RESF1: variants seen among roughly 807,000 people sequenced by gnomAD.
RESF1 encodes retroelement silencing factor 1.
In RESF1, 65 loss-of-function variants were observed where a neutral mutation model predicts 134.7. That is an observed-to-expected ratio of 0.48 (90% CI 0.40 to 0.59). RESF1 has a LOEUF of 0.59. Ranked by LOEUF, RESF1 falls within the 20% of genes least tolerant of loss-of-function variation. The pLI is 0.00. For missense variants in RESF1, 2,274 were observed against 2,002.7 expected (o/e 1.14, Z -2.59); for synonymous variants, 762 against 702.2 (o/e 1.09, Z -1.35).
intron 5 of RESF1, among the ~76,000 whole-genome samples, chr12:31,991,063 G>A (rs1209155280): frequency 1.3e-5 from 2 of 152,090 alleles, no homozygotes; most frequent in Admixed American, 6.6e-5. Context: ...GCTGGGCATA[G>A]TGGTGCGCAC....
At chr12:31,980,830 C>A in intron 3 of RESF1, 48 bp from the exon 4 acceptor site, 1 of 695,418 alleles carries the variant, frequency 1.4e-6, no homozygotes. Flanking sequence ...CTTAGATATT[C>A]TATCTAGGCA....
chr12:31,967,660 GA>G (rs1346143875), intron 2 of RESF1, among the ~76,000 whole-genome samples: 1 of 151,058 alleles, frequency 6.6e-6, no homozygotes, highest in Non-Finnish European at 1.5e-5. Flanking sequence ...CCGCAGGGGG[GA>G]TTTTTGTTTT....
chr12:31,963,733 C>T (rs1025039317), intron 2 of RESF1, among the ~76,000 whole-genome samples: 10 of 152,206 alleles, frequency 6.6e-5, no homozygotes, highest in African/African-American at 1.9e-4. Context: ...TTTTCTCCAA[C>T]GCACCTTTCC....
At chr12:31,988,901 C>T (rs1014129563) in intron 5 of RESF1, among the ~76,000 whole-genome samples, 2 of 151,652 alleles carry the variant, frequency 1.3e-5, no homozygotes, top group Non-Finnish European at 2.9e-5. Context: ...ACTATGTTGG[C>T]CAGGCTGGTC....
intron 5 of RESF1, among the ~76,000 whole-genome samples, chr12:31,988,045 C>T (rs1008523153): frequency 6.6e-6 from 1 of 152,096 alleles, no homozygotes; most frequent in African/African-American, 2.4e-5. Context: ...TCTAATTAAA[C>T]TTTATCTACC....
Position 31,985,083 on chromosome 12 carries a change from G to A in RESF1, c.4128G>A (p.Lys1376=). ...LKSVSFKQKR[K]LDQGNVLDME... is the part of the protein sequence containing the mutation. ...CAGTTAGCTTCAAACAAAAACGAAA[G>A]TTAGACCAAGGGAACGTATTAGATA... Residue 1376 remains lysine (K), a synonymous_variant, in exon 4 of 6, where the codon AAG becomes AAA. Coordinates refer to ENST00000312561, the MANE Select transcript of RESF1 (RefSeq NM_018169.4). 6.4e-7 allele frequency: 1 copy of A among 1,567,438 alleles called. No individual in the cohort carries two copies. Among genetic ancestry groups the A allele is most frequent in the Non-Finnish European group, 8.6e-7 (1 of 1,165,216 alleles).
At chr12:31,965,705 A>C (rs1469647283) in intron 2 of RESF1, among the ~76,000 whole-genome samples, 1 of 152,184 alleles carries the variant, frequency 6.6e-6, no homozygotes, top group Non-Finnish European at 1.5e-5. Flanking sequence ...CTTCTGGCCA[A>C]CATGGTGAAA....
In RESF1 at chr12:31,981,533, A is replaced by G. The variant is rs368010399; in HGVS notation, c.578A>G (p.Gln193Arg). The G allele has an allele frequency of 1.8e-5, 29 of 1,613,940 alleles. 1 individual carries two copies. The South Asian group carries it at 2.4e-4, about 13-fold the overall frequency. ...GGACTTAACCAGTCTTTTTCAGAGC[A>G]ACAGGTTGATTGGACACAACAGTGT... ...NQGLNQSFSE[Q>R]QVDWTQQCIS... The change falls in exon 4 of 6, where the codon CAA (glutamine) becomes CGA (arginine). Residue 193 changes from glutamine to arginine, a missense_variant. By Grantham distance (43) the Gln-to-Arg change is conservative. Transcript: ENST00000312561.
intron 3 of RESF1, among the ~76,000 whole-genome samples, chr12:31,972,792 A>T (rs924712893): frequency 1.1e-4 from 17 of 152,162 alleles, no homozygotes; most frequent in Non-Finnish European, 1.9e-4. Flanking sequence ...CTGGTGTCAG[A>T]AGTGTGAGAA....
chr12:31,983,282 T>C lies in RESF1; in HGVS notation c.2327T>C (p.Val776Ala). The change falls in exon 4 of 6, where the codon GTC becomes GCC. Residue 776 changes from valine to alanine, a missense_variant. By Grantham distance (64) the Val-to-Ala change is moderately conservative. Coordinates refer to ENST00000312561, the MANE Select transcript of RESF1 (RefSeq NM_018169.4). ...LVLSEVKTLSVKGITPAVLPE... is the reference protein window; with the variant it reads ...LVLSEVKTLSAKGITPAVLPE... ...CTGTCAGAGGTCAAAACATTGTCTG[T>C]CAAAGGAATAACACCTGCAGTGTTA... 1.2e-6 allele frequency: 2 copies of C among 1,613,660 alleles called. No homozygotes were observed. Among genetic ancestry groups the C allele is most frequent in the Non-Finnish European group, 1.7e-6 (2 of 1,179,762 alleles).
Position 31,980,949 on chromosome 12 carries a change from A to G in RESF1, c.-7A>G, listed in dbSNP as rs1368798172. ...TTGTAATACACTGCTACTATATCAA[A>G]CCGACAATGAATTGGAATGAAAAAC... On this transcript the variant is annotated 5_prime_UTR_variant, in exon 4 of 6. Coordinates refer to ENST00000312561, the MANE Select transcript of RESF1 (RefSeq NM_018169.4). 1 of 1,588,150 alleles carries G rather than the reference A, an allele frequency of 6.3e-7. No homozygotes were observed. Among genetic ancestry groups the G allele is most frequent in the African/African-American group, 1.3e-5 (1 of 74,092 alleles).
chr12:31,980,730 G>A (rs915750365), intron 3 of RESF1, 148 bp from the exon 4 acceptor site: 2 of 425,728 alleles, frequency 4.7e-6, no homozygotes, highest in African/African-American at 4.1e-5. Context: ...ATTTATTGTT[G>A]TATCCTCTAT....
At chr12:31,971,019 G>A (rs1939494180) in intron 3 of RESF1, among the ~76,000 whole-genome samples, 1 of 152,184 alleles carries the variant, frequency 6.6e-6, no homozygotes, top group South Asian at 2.1e-4. Context: ...CTTCGTTTTA[G>A]ACAACAGTGC....
intron 1 of RESF1, among the ~76,000 whole-genome samples, chr12:31,960,148 T>C (rs901475575): frequency 6.6e-6 from 1 of 152,078 alleles, no homozygotes; most frequent in Non-Finnish European, 1.5e-5. Flanking sequence ...CACAAACGCA[T>C]ACCCATCTTA....
intron 2 of RESF1, among the ~76,000 whole-genome samples, chr12:31,968,558 C>T (rs1024063996): frequency 1.3e-5 from 2 of 151,696 alleles, no homozygotes; most frequent in Non-Finnish European, 2.9e-5. Context: ...ATGCCATTCT[C>T]CTGCCTCAGC....
intron 3 of RESF1, among the ~76,000 whole-genome samples, chr12:31,976,882 C>T (rs1939647182): frequency 6.6e-6 from 1 of 152,126 alleles, no homozygotes; most frequent in Non-Finnish European, 1.5e-5. Context: ...TTCAAAGCCA[C>T]GTTCAAGGAT....
chr12:31,976,953 C>G (rs1451735342), intron 3 of RESF1, among the ~76,000 whole-genome samples: 2 of 152,090 alleles, frequency 1.3e-5, no homozygotes, highest in Admixed American at 1.3e-4. Context: ...ATTGAGTTGT[C>G]TACATTTTTC....
chr12:31,969,004 T>C (rs1179915152), intron 2 of RESF1, among the ~76,000 whole-genome samples: 1 of 152,150 alleles, frequency 6.6e-6, no homozygotes, highest in Admixed American at 6.5e-5. Context: ...ACAGTGGCAC[T>C]ACCATAGTCC....
At position 31,960,872 on chromosome 12, in the gene RESF1, G is replaced by T. The variant is rs1156965179; in HGVS notation, c.-247+1G>T. The T allele has an allele frequency of 6.6e-6, 1 of 152,224 alleles. No homozygotes were observed. The highest frequency in any genetic ancestry group is 1.9e-4 in the East Asian group (1 of 5,198). The allele number at this position is 152,224 out of a possible 1,614,324, so 9.4% of individuals were successfully genotyped here. On this transcript the variant is annotated splice_donor_variant, in intron 2 of 5. Transcript: ENST00000312561. LOFTEE classifies it low-confidence loss of function (5UTR_SPLICE). ...TTAAAGAGTAAAGTTGTGCTCAACGGTAAGTGTATCACCTCTAAGAAACCC... is the reference window on the plus strand; with the variant it reads ...TTAAAGAGTAAAGTTGTGCTCAACGTTAAGTGTATCACCTCTAAGAAACCC...
Sources: allele counts gnomAD v4.1 joint callset (sites outside exome capture counted in the v4.1 genomes callset), GRCh38; gene constraint gnomAD v4.1.1; transcripts MANE v1.5; gene names NCBI Gene and HGNC (gene_info 2026-07-23, HGNC 2026-07-21).